Variants in THOC2 observed in about 807,000 individuals in gnomAD.
THOC2 encodes the protein THO complex 2.
Under a neutral mutation model 128.4 loss-of-function variants are expected in THOC2, and 10 were observed. That is an observed-to-expected ratio of 0.08 (90% CI 0.05 to 0.13). The LOEUF is 0.13. THOC2 is among the 10% of genes least tolerant of loss of function. The pLI is 1.00. For synonymous variants in THOC2, 393 were observed against 396.9 expected, an observed-to-expected ratio of 0.99 and a Z score of 0.12; for missense variants, 535 against 1,155.7, an observed-to-expected ratio of 0.46 and a Z score of 7.79.
At chrX:123,650,531 A>G (rs1413045866) in intron 12 of THOC2, among the ~76,000 whole-genome samples, 2 of 112,064 alleles carry the variant, frequency 1.8e-5, no homozygotes, top group Non-Finnish European at 3.8e-5. Context: ...GATAGGGTCA[A>G]GACCTATCAG....
rs1194499829 is a variant in THOC2 at position 123,601,158 on chromosome X, C to G, written c.*199G>C. ...TGAAAATAAACATGTAGAAACTAAG[C>G]AACAAGTTAAAATACAGTAATGCAC... On this transcript the variant is annotated 3_prime_UTR_variant, in exon 39 of 39. Transcript: ENST00000245838. 3.6e-5 allele frequency: 4 copies of G among 112,207 alleles called. No homozygotes were observed. Among genetic ancestry groups the G allele is most frequent in the Non-Finnish European group, 7.5e-5 (4 of 53,191 alleles). The allele number at this position is 112,207 out of a possible 1,213,427, so 9.2% of individuals were successfully genotyped here.
chrX:123,603,652 A>G, intron 38 of THOC2: 1 of 512,540 alleles, frequency 2.0e-6, no homozygotes, highest in Non-Finnish European at 3.5e-6. Flanking sequence ...ACAGCACCAG[A>G]AGCTCTTAAT....
intron 12 of THOC2, among the ~76,000 whole-genome samples, chrX:123,655,812 A>G (rs1603276354): frequency 2.7e-5 from 3 of 111,794 alleles, no homozygotes; most frequent in African/African-American, 9.7e-5. Context: ...TGAAATAGCC[A>G]CATATACAGT....
At chrX:123,636,613 A>G (rs113251124) in intron 18 of THOC2, among the ~76,000 whole-genome samples, 7 of 110,060 alleles carry the variant, frequency 6.4e-5, no homozygotes, top group African/African-American at 2.0e-4. Flanking sequence ...TGAGTCAAGA[A>G]AAAAAAAAAT....
rs1569339471 is a variant in THOC2, at chrX:123,626,509, CCAA to C, written c.2899+9_2899+11del. On this transcript the variant is annotated intron_variant, in intron 24 of 38. Coordinates refer to ENST00000245838, the MANE Select transcript of THOC2 (RefSeq NM_001081550.2). ...TACCAGCATCAGGAACCTAACAATTCCAACAACTTACTTGCTAAAAGCCAGTTG... is the reference window on the plus strand; with the variant it reads ...TACCAGCATCAGGAACCTAACAATTCCAACTTACTTGCTAAAAGCCAGTTG... The C allele has an allele frequency of 8.5e-7, 1 of 1,171,855 alleles. No individual in the cohort carries two copies. Among genetic ancestry groups the C allele is most frequent in the South Asian group, 1.9e-5 (1 of 51,355 alleles).
At chrX:123,676,392 T>C (rs1175366588) in intron 8 of THOC2, among the ~76,000 whole-genome samples, 1 of 111,895 alleles carries the variant, frequency 8.9e-6, no homozygotes, top group Non-Finnish European at 1.9e-5. Flanking sequence ...TGGGCTTCTA[T>C]CACCATGGCC....
intron 12 of THOC2, among the ~76,000 whole-genome samples, chrX:123,661,300 G>C (rs2048816773): frequency 9.0e-6 from 1 of 111,276 alleles, no homozygotes. Context: ...AGCTACTCGG[G>C]AGGCTGAAGC....
chrX:123,611,129 T>C (rs984350031), intron 37 of THOC2, among the ~76,000 whole-genome samples, 166 bp from the exon 38 acceptor site: 2 of 111,185 alleles, frequency 1.8e-5, no homozygotes, highest in African/African-American at 6.6e-5. Context: ...TGCCCTTCTA[T>C]TCCCAATGTC....
intron 12 of THOC2, among the ~76,000 whole-genome samples, chrX:123,658,399 G>A (rs1443453287): frequency 9.0e-6 from 1 of 111,730 alleles, no homozygotes; most frequent in Non-Finnish European, 1.9e-5. Flanking sequence ...TTGTACAAAG[G>A]TGCTTACAGC....
At chrX:123,637,276 A>G (rs894595485) in intron 18 of THOC2, among the ~76,000 whole-genome samples, 4 of 111,912 alleles carry the variant, frequency 3.6e-5, no homozygotes, top group Non-Finnish European at 7.5e-5. Flanking sequence ...ATCAGATACA[A>G]TAAGTTGAAA....
chrX:123,693,131 T>C (rs998187398), intron 7 of THOC2, among the ~76,000 whole-genome samples: 2 of 112,432 alleles, frequency 1.8e-5, no homozygotes, highest in African/African-American at 6.5e-5. Context: ...CTCATTGGAA[T>C]TGAAGTTTCA....
intron 1 of THOC2, among the ~76,000 whole-genome samples, chrX:123,714,988 G>C (rs1380693415): frequency 9.6e-6 from 1 of 104,066 alleles, no homozygotes; most frequent in Non-Finnish European, 2.0e-5. Flanking sequence ...ACCAAAAGCG[G>C]TTCAAAAGAG....
intron 2 of THOC2, among the ~76,000 whole-genome samples, chrX:123,710,411 T>C (rs2051131497): frequency 8.9e-6 from 1 of 112,194 alleles, no homozygotes; most frequent in Non-Finnish European, 1.9e-5. Context: ...CAAAGTTAAC[T>C]GAGATGTTAA....
At chrX:123,645,767 G>A (rs1417093253) in intron 12 of THOC2, among the ~76,000 whole-genome samples, 2 of 112,352 alleles carry the variant, frequency 1.8e-5, no homozygotes, top group African/African-American at 6.5e-5. Context: ...TTCGAGACCA[G>A]CCTGGCCAAC....
chrX:123,643,620 C>T (rs2048013894), intron 15 of THOC2, among the ~76,000 whole-genome samples: 1 of 110,041 alleles, frequency 9.1e-6, no homozygotes, highest in African/African-American at 3.3e-5. Context: ...CCAAACAAAA[C>T]TCCCCCAAGT....
At chrX:123,705,122 T>C (rs1170607674) in intron 3 of THOC2, among the ~76,000 whole-genome samples, 1 of 111,724 alleles carries the variant, frequency 9.0e-6, no homozygotes, top group African/African-American at 3.3e-5. Context: ...GTTACTCTTC[T>C]GTGGGTAAGA....
intron 8 of THOC2, among the ~76,000 whole-genome samples, chrX:123,685,175 T>C (rs1297792679): frequency 8.9e-6 from 1 of 112,421 alleles, no homozygotes; most frequent in Admixed American, 9.4e-5. Flanking sequence ...AATAAATTAA[T>C]CCATAGGAAT....
intron 5 of THOC2, 51 bp from the exon 6 acceptor site, chrX:123,696,893 A>G (rs760959283): frequency 1.0e-6 from 1 of 961,357 alleles, no homozygotes; most frequent in Non-Finnish European, 1.4e-6. Context: ...TGCATCCACA[A>G]TGTTAAATAT....
intron 4 of THOC2, among the ~76,000 whole-genome samples, chrX:123,700,303 C>A (rs2050635988): frequency 9.2e-6 from 1 of 108,652 alleles, no homozygotes; most frequent in African/African-American, 3.4e-5. Flanking sequence ...GAGTTTGAGA[C>A]CAGCCTGGCC....
Sources: allele counts gnomAD v4.1 joint callset (sites outside exome capture counted in the v4.1 genomes callset), GRCh38; gene constraint gnomAD v4.1.1; transcripts MANE v1.5; gene names NCBI Gene and HGNC (gene_info 2026-07-23, HGNC 2026-07-21).